Variants in SMCO2 observed in about 807,000 individuals in gnomAD.
SMCO2 encodes single-pass membrane protein with coiled-coil domains 2.
A neutral mutation model predicts 29.5 loss-of-function variants in SMCO2; 25 were observed. That is an observed-to-expected ratio of 0.85 (90% CI 0.62 to 1.18). The LOEUF (loss-of-function observed/expected upper bound fraction) is 1.18. Among genes scored for constraint, SMCO2 ranks in the 50% most tolerant of loss-of-function variants. SMCO2 has a pLI of 0.00. For missense variants in SMCO2, 348 were observed against 344.5 expected, an observed-to-expected ratio of 1.01 and a Z score of -0.08; for synonymous variants, 117 against 123.3, an observed-to-expected ratio of 0.95 and a Z score of 0.34.
intron 4 of SMCO2, among the ~76,000 whole-genome samples, chr12:27,480,707 CCCT>C (rs1949635000): frequency 6.6e-6 from 1 of 151,550 alleles, no homozygotes; most frequent in South Asian, 2.1e-4. Flanking sequence ...CCTCTCCCCC[CCCT>C]CTCTCTCTCT....
intron 4 of SMCO2, among the ~76,000 whole-genome samples, chr12:27,481,029 G>A (rs1465919742): frequency 6.6e-6 from 1 of 152,182 alleles, no homozygotes; most frequent in South Asian, 2.1e-4. Flanking sequence ...GTAATACACT[G>A]CTTGAGCTAG....
chr12:27,485,650 T>C (rs1009854001), intron 4 of SMCO2, among the ~76,000 whole-genome samples: 6 of 152,094 alleles, frequency 3.9e-5, no homozygotes, highest in African/African-American at 1.4e-4. Context: ...TTTCACCGTG[T>C]TGGCCGGGCT....
the SMCO2 span, among the ~76,000 whole-genome samples, chr12:27,428,159 G>A: frequency 1.3e-5 from 2 of 151,918 alleles, no homozygotes; most frequent in East Asian, 3.8e-4. Flanking sequence ...GAATACTCCT[G>A]AGCCATAATT....
intron 7 of SMCO2, among the ~76,000 whole-genome samples, chr12:27,500,881 C>CA (rs1943067363): frequency 6.6e-6 from 1 of 150,614 alleles, no homozygotes; most frequent in Non-Finnish European, 1.5e-5. Context: ...AGTTAGGTCA[C>CA]AAAATCGATC....
chr12:27,498,024 A>C (rs1943032722), intron 7 of SMCO2: 1 of 288,956 alleles, frequency 3.5e-6, no homozygotes, highest in Non-Finnish European at 6.9e-6. Flanking sequence ...TAAGGACTAA[A>C]GTGATCCATG....
chr12:27,457,201 C>G, the SMCO2 span, among the ~76,000 whole-genome samples: 1 of 152,094 alleles, frequency 6.6e-6, no homozygotes, highest in South Asian at 2.1e-4. Flanking sequence ...CCTGACTCCC[C>G]AGGCCGCACA....
At chr12:27,457,947 A>C in the SMCO2 span, among the ~76,000 whole-genome samples, 15 of 152,362 alleles carry the variant, frequency 9.8e-5, no homozygotes, top group Admixed American at 9.8e-4. Flanking sequence ...GTTTTGCACC[A>C]GCAGAAAGAT....
At chr12:27,495,489 C>T (rs1461160649) in intron 6 of SMCO2, among the ~76,000 whole-genome samples, 191 bp from the exon 8 acceptor site, 1 of 150,460 alleles carries the variant, frequency 6.6e-6, no homozygotes, top group Non-Finnish European at 1.5e-5. Flanking sequence ...GTAGTGCTAC[C>T]TTACACTGTG....
chr12:27,440,144 G>C, the SMCO2 span, among the ~76,000 whole-genome samples: 5 of 152,308 alleles, frequency 3.3e-5, no homozygotes, highest in South Asian at 1.0e-3. Context: ...AGTTCATCTG[G>C]CCACAGACCT....
intron 5 of SMCO2, among the ~76,000 whole-genome samples, chr12:27,491,849 G>A (rs1045750327): frequency 9.2e-5 from 14 of 151,718 alleles, no homozygotes; most frequent in Non-Finnish European, 1.9e-4. Flanking sequence ...GACTACAGGG[G>A]CACACCACCA....
intron 7 of SMCO2, chr12:27,497,825 T>C (rs887282301): frequency 4.3e-6 from 1 of 233,320 alleles, no homozygotes; most frequent in African/African-American, 2.4e-5. Context: ...AGAAAGAAGA[T>C]ATGGTTATCT....
the SMCO2 span, among the ~76,000 whole-genome samples, chr12:27,438,060 G>A: frequency 6.6e-6 from 1 of 152,056 alleles, no homozygotes; most frequent in African/African-American, 2.4e-5. Context: ...TTCACTTCTT[G>A]TCTCACCTCC....
At chr12:27,473,130 T>G in intron 3 of SMCO2, 1 of 381,204 alleles carries the variant, frequency 2.6e-6, no homozygotes, top group Non-Finnish European at 4.8e-6. Context: ...GAATTATATG[T>G]TATTTTTGTC....
intron 7 of SMCO2, among the ~76,000 whole-genome samples, chr12:27,499,646 C>A (rs539031688): frequency 6.6e-6 from 1 of 150,780 alleles, no homozygotes; most frequent in Non-Finnish European, 1.5e-5. Flanking sequence ...ATGCCTTTCA[C>A]GTATCGCTTT....
At chr12:27,502,079 G>C (rs777123847) in exon 8 of SMCO2, 7 of 1,543,010 alleles carry the variant, frequency 4.5e-6, no homozygotes, top group Non-Finnish European at 6.1e-6. Context: ...AGATGAGAGA[G>C]CCTTTCTTGA....
the SMCO2 span, among the ~76,000 whole-genome samples, chr12:27,442,033 A>AT: frequency 6.6e-6 from 1 of 152,228 alleles, no homozygotes; most frequent in Non-Finnish European, 1.5e-5. Flanking sequence ...GAAATACAAC[A>AT]TACCAGAATC....
the SMCO2 span, among the ~76,000 whole-genome samples, chr12:27,454,357 T>C: frequency 6.6e-6 from 1 of 152,196 alleles, no homozygotes; most frequent in South Asian, 2.1e-4. Flanking sequence ...TACTGCTTTT[T>C]CCCCTCACTT....
At chr12:27,431,423 T>C in the SMCO2 span, among the ~76,000 whole-genome samples, 1 of 152,178 alleles carries the variant, frequency 6.6e-6, no homozygotes, top group Non-Finnish European at 1.5e-5. Flanking sequence ...CTCCATACCA[T>C]TTCCTCTTCT....
rs181075572 is a variant in SMCO2, at chr12:27,473,966, A to G, written c.235-820A>G. The stretch of plus-strand genomic sequence containing the variant: ...CTAGAACATGGCAAAGAATACAGAA[A>G]CAAAAAAGTAAATTGTATTGATCAA... On this transcript the variant is annotated intron_variant, in intron 3 of 7. Coordinates refer to ENST00000298876, the Ensembl canonical transcript of SMCO2. Among the ~76,000 whole-genome samples, 128 of 152,364 alleles carry G rather than the reference A, an allele frequency of 8.4e-4. 2 individuals are homozygous for G. The highest frequency in any genetic ancestry group is 5.8e-4 in the East Asian group (3 of 5,192).
Sources: gnomAD v4.1 joint callset for allele counts (sites outside exome capture counted in the v4.1 genomes callset) on GRCh38, gnomAD v4.1.1 for gene constraint, MANE v1.5 for transcripts, NCBI Gene and HGNC (gene_info 2026-07-23, HGNC 2026-07-21) for gene names.